Variants in CYFIP2 observed in about 807,000 individuals in gnomAD.
CYFIP2 encodes cytoplasmic FMR1 interacting protein 2.
Under a neutral mutation model 158.7 loss-of-function variants are expected in CYFIP2, and 29 were observed. The ratio of observed to expected loss-of-function variants is 0.18; its 90% confidence interval spans 0.14 to 0.25. CYFIP2 has a LOEUF of 0.25. Ranked by LOEUF, CYFIP2 falls within the 10% of genes least tolerant of loss-of-function variation. The pLI is 1.00. For synonymous variants in CYFIP2, 585 were observed against 617.6 expected (o/e 0.95, Z 0.78); for missense variants, 852 against 1,639.5 (o/e 0.52, Z 8.29).
chr5:157,324,220 A>G (rs936423176), intron 16 of CYFIP2, 146 bp downstream of exon 16: 3 of 991,236 alleles, frequency 3.0e-6, no homozygotes, highest in Non-Finnish European at 4.2e-6. Flanking sequence ...AAACACATAC[A>G]CTTTCCAGTG....
intron 1 of CYFIP2, among the ~76,000 whole-genome samples, chr5:157,281,236 G>GT (rs950246564): frequency 6.6e-6 from 1 of 151,966 alleles, no homozygotes; most frequent in Non-Finnish European, 1.5e-5. Context: ...TTCTTGGTGC[G>GT]TTTTTCCATC....
chr5:157,301,566 G>A (rs970593657), intron 6 of CYFIP2, among the ~76,000 whole-genome samples: 1 of 152,224 alleles, frequency 6.6e-6, no homozygotes, highest in Non-Finnish European at 1.5e-5. Flanking sequence ...CACTGGAGGT[G>A]TAGAGGTGGA....
At chr5:157,357,500 A>AT in intron 23 of CYFIP2, among the ~76,000 whole-genome samples, 1 of 152,142 alleles carries the variant, frequency 6.6e-6, no homozygotes, top group East Asian at 1.9e-4. Context: ...CATGTACAAG[A>AT]TTTTTGCAAT....
rs1338291706 is a variant in CYFIP2, at chr5:157,361,776, G to A, written c.3039+178G>A. On this transcript the variant is annotated intron_variant, in intron 26 of 30. Coordinates refer to ENST00000620254, the MANE Select transcript of CYFIP2 (RefSeq NM_001037333.3). The surrounding 1 kb of genome is among the most constrained non-coding windows in gnomAD (Gnocchi z 4.4). ...GTCCTGGCTCCCCCATTCACGATTA[G>A]TGCAGTTGTCTAGGTCTCAGTTTGC... Among the ~76,000 whole-genome samples the A allele has an allele frequency of 6.6e-6, 1 of 152,162 alleles. No homozygotes were observed. The highest frequency in any genetic ancestry group is 1.5e-5 in the Non-Finnish European group (1 of 68,034).
chr5:157,275,707 T>C (rs1190314619), intron 1 of CYFIP2, among the ~76,000 whole-genome samples: 2 of 152,254 alleles, frequency 1.3e-5, no homozygotes, highest in Non-Finnish European at 2.9e-5. Context: ...GAGATTTTCA[T>C]AGAGATTATG....
intron 26 of CYFIP2, among the ~76,000 whole-genome samples, chr5:157,369,361 A>G (rs1478691573): frequency 6.6e-6 from 1 of 152,216 alleles, no homozygotes; most frequent in African/African-American, 2.4e-5. Flanking sequence ...AAATGGCATA[A>G]AACAAGAACT....
intron 26 of CYFIP2, among the ~76,000 whole-genome samples, chr5:157,367,751 C>CT (rs373446663): frequency 0.52 from 63,807 of 123,534 alleles, 17,350 homozygotes; most frequent in Non-Finnish European, 0.56. Context: ...CCTCTGTTCA[C>CT]TTTTTTTTTT....
chr5:157,365,786 C>CTCTGTCATTCAACATTACGTT (rs1554119554), intron 26 of CYFIP2, among the ~76,000 whole-genome samples: 3 of 146,108 alleles, frequency 2.1e-5, no homozygotes, highest in Non-Finnish European at 4.5e-5. Context: ...CCTTTCTGAC[C>CTCTGTCATTCAACATTACGTT]TCTGTCATTC....
chr5:157,320,658 C>G lies in CYFIP2; in HGVS notation c.1527C>G (p.Val509=). 1 of 1,613,990 alleles carries G rather than the reference C, an allele frequency of 6.2e-7. No individual in the cohort carries two copies. Among genetic ancestry groups the G allele is most frequent in the Non-Finnish European group, 8.5e-7 (1 of 1,179,876 alleles). Residue 509 remains valine (V), a synonymous_variant, in exon 15 of 31, where the codon GTC becomes GTG. Coordinates refer to ENST00000620254, the MANE Select transcript of CYFIP2 (RefSeq NM_001037333.3). The part of the protein sequence containing the change: ...VRKKKNVLIS[V]LQAIRKTICD... ...GTCTTAGTTCTTCCTTCCCCAGCGT[C>G]CTACAGGCAATTCGAAAGACCATCT...
intron 5 of CYFIP2, among the ~76,000 whole-genome samples, chr5:157,299,645 AATCCC>A (rs1332153238): frequency 6.6e-6 from 1 of 152,200 alleles, no homozygotes; most frequent in Non-Finnish European, 1.5e-5. Flanking sequence ...TCATGCCTGT[AATCCC>A]AGCACTTTGG....
chr5:157,274,129 TA>T (rs58939164), intron 1 of CYFIP2, among the ~76,000 whole-genome samples: 53,122 of 123,196 alleles, frequency 0.43, 10,736 homozygotes, highest in East Asian at 0.66. Flanking sequence ...AAACTCTGTG[TA>T]AAAAAAAAAA....
chr5:157,280,295 C>T (rs1756887453), intron 1 of CYFIP2, among the ~76,000 whole-genome samples: 1 of 151,548 alleles, frequency 6.6e-6, no homozygotes, highest in South Asian at 2.1e-4. Flanking sequence ...CTCCTGGGTT[C>T]AAGTGATTTT....
intron 26 of CYFIP2, among the ~76,000 whole-genome samples, chr5:157,381,226 T>A (rs959315877): frequency 1.3e-5 from 2 of 152,172 alleles, no homozygotes; most frequent in South Asian, 2.1e-4. Context: ...ACATAACCAC[T>A]ACTCTGGATT....
intron 20 of CYFIP2, 54 bp downstream of exon 20, chr5:157,330,904 C>T (rs989276632): frequency 3.1e-5 from 43 of 1,389,312 alleles, no homozygotes; most frequent in African/African-American, 5.7e-5. Context: ...AGAGCAGCTG[C>T]GAAGTTAGCA....
At chr5:157,339,358 C>T (rs997624795) in intron 22 of CYFIP2, 102 bp downstream of exon 22, 7 of 1,059,100 alleles carry the variant, frequency 6.6e-6, no homozygotes, top group Admixed American at 2.1e-5. Flanking sequence ...GTTCCTGCAA[C>T]AGGTGTCTCT....
At chr5:157,343,698 G>C (rs1429476029) in intron 23 of CYFIP2, among the ~76,000 whole-genome samples, 2 of 152,116 alleles carry the variant, frequency 1.3e-5, no homozygotes, top group Non-Finnish European at 2.9e-5. Flanking sequence ...CTGTTATTTA[G>C]GCATAGCGAA....
At chr5:157,300,597 T>G in intron 5 of CYFIP2, 118 bp from the exon 6 acceptor site, 1 of 904,922 alleles carries the variant, frequency 1.1e-6, no homozygotes, top group South Asian at 4.9e-5. Flanking sequence ...TGAGAAAAAT[T>G]GCCTGGCAGA....
chr5:157,390,523 A>C lies in CYFIP2; in HGVS notation c.3449A>C (p.Gln1150Pro). The C allele has an allele frequency of 6.9e-7, 1 of 1,440,498 alleles. No individual in the cohort carries two copies. Among genetic ancestry groups the C allele is most frequent in the Non-Finnish European group, 9.3e-7 (1 of 1,080,904 alleles). The allele number at this position is 1,440,498 out of a possible 1,614,324, so 89.2% of individuals were successfully genotyped here. A position where few individuals can be genotyped will look rare whatever the true frequency, so the allele number is the denominator to read the frequency against. ...PVGTNEFTAE[Q>P]CFGDGLNWAG... ...CTGCTTCCTCCCCCTGCTCCCAGGC[A>C]GTGTTTCGGCGATGGCTTGAACTGG... is the stretch of plus-strand genomic sequence containing the variant. The change falls in exon 30 of 31, where the codon CAG becomes CCG. Residue 1150 changes from glutamine (Q) to proline (P), a missense_variant and splice_region_variant. Transcript: ENST00000620254.
In CYFIP2 at chr5:157,304,326, A is replaced by T. The variant is rs1296466462; in HGVS notation, c.755A>T (p.Lys252Met). The T allele has an allele frequency of 6.2e-7, 1 of 1,614,020 alleles. No individual in the cohort carries two copies. Among genetic ancestry groups the T allele is most frequent in the South Asian group, 1.1e-5 (1 of 91,086 alleles). The change falls in exon 8 of 31, where the codon AAG (lysine) becomes ATG (methionine). Residue 252 changes from lysine to methionine, a missense_variant. This residue lies in a region of CYFIP2 where 133 missense variants were observed against 197.1 expected (regional missense o/e 0.67). Transcript: ENST00000620254. ...ATCTGTGTGGATTACTACGAGAACAAGATGTACCTGACTCCCAGTGAGAAA... is the reference window on the plus strand; with the variant it reads ...ATCTGTGTGGATTACTACGAGAACATGATGTACCTGACTCCCAGTGAGAAA... ...VNICVDYYEN[K>M]MYLTPSEKHM...
Sources: allele counts gnomAD v4.1 joint callset (sites outside exome capture counted in the v4.1 genomes callset), GRCh38; gene constraint gnomAD v4.1.1; regional missense constraint gnomAD v4.1.1; non-coding constraint Gnocchi (gnomAD v3.1); transcripts MANE v1.5; gene names NCBI Gene and HGNC (gene_info 2026-07-23, HGNC 2026-07-21).